Variants in PHC2 observed in about 807,000 individuals in gnomAD.
The protein encoded by PHC2 is polyhomeotic homolog 2, also known as polyhomeotic-like protein 2.
Under a neutral mutation model 87.4 loss-of-function variants are expected in PHC2, and 29 were observed. The ratio of observed to expected loss-of-function variants is 0.33; its 90% CI spans 0.25 to 0.45. The LOEUF is 0.45. PHC2 is among the 20% of genes least tolerant of loss of function. PHC2 has a pLI of 1.00. For missense variants in PHC2, 857 were observed against 1,136.7 expected (o/e 0.75, Z 3.54); for synonymous variants, 438 against 461.7 (o/e 0.95, Z 0.66).
At chr1:33,416,210 A>G (rs1260270325) in intron 1 of PHC2, among the ~76,000 whole-genome samples, 6 of 152,150 alleles carry the variant, frequency 3.9e-5, no homozygotes, top group Non-Finnish European at 8.8e-5. Flanking sequence ...TGCTGAAGTG[A>G]TGAAAAGAAA....
At chr1:33,404,812 A>G (rs1303665299) in intron 1 of PHC2, among the ~76,000 whole-genome samples, 1 of 152,246 alleles carries the variant, frequency 6.6e-6, no homozygotes, top group Non-Finnish European at 1.5e-5. Flanking sequence ...GAAGAATAAC[A>G]GGTTGCTCTC....
At chr1:33,406,505 T>C (rs1436159080) in intron 1 of PHC2, among the ~76,000 whole-genome samples, 2 of 152,196 alleles carry the variant, frequency 1.3e-5, no homozygotes, top group African/African-American at 4.8e-5. Flanking sequence ...CCAGACACTG[T>C]TAAATATCTT....
At chr1:33,398,497 G>C (rs1318522018) in intron 1 of PHC2, among the ~76,000 whole-genome samples, 1 of 152,200 alleles carries the variant, frequency 6.6e-6, no homozygotes, top group African/African-American at 2.4e-5. Context: ...TTGGGTGATA[G>C]TGTTACTGCT....
chr1:33,332,387 C>T lies in PHC2; in HGVS notation c.1779G>A (p.Leu593=), dbSNP rs555114860. 2.5e-6 allele frequency: 4 copies of T among 1,614,188 alleles called. No individual in the cohort carries two copies. The South Asian group carries it at 4.4e-5, about 18-fold the overall frequency. The change falls in exon 11 of 15, where the codon CTG becomes CTA. Residue 593 remains leucine, a synonymous_variant. Coordinates refer to ENST00000683057, the MANE Select transcript of PHC2 (RefSeq NM_001385109.1). This position sits in a 1 kb window ranked among gnomAD's most constrained non-coding sequence, Gnocchi z 4.2. ...AEPFPVGRSS[L]LVGNLKKKYA... is the part of the protein sequence containing the mutation. Reference sequence around the variant, plus strand: ...ACTTCTTCTTGAGATTCCCCACCAGCAGGGACGAGCGTCCCACCTAGAGGA... The same window carrying T: ...ACTTCTTCTTGAGATTCCCCACCAGTAGGGACGAGCGTCCCACCTAGAGGA...
intron 2 of PHC2, among the ~76,000 whole-genome samples, chr1:33,374,696 A>G (rs1048462489): frequency 1.8e-3 from 279 of 152,352 alleles, no homozygotes; most frequent in Middle Eastern, 3.4e-3. Flanking sequence ...CCTCAAAAAA[A>G]CATTGTAGTG....
chr1:33,329,589 C>T (rs1646444312), intron 13 of PHC2, among the ~76,000 whole-genome samples: 1 of 152,228 alleles, frequency 6.6e-6, no homozygotes, highest in Admixed American at 6.5e-5. Context: ...AGCCTAGTGC[C>T]TAACAGAGTT....
At chr1:33,328,726 G>T in intron 14 of PHC2, 144 bp downstream of exon 14, 1 of 672,964 alleles carries the variant, frequency 1.5e-6, no homozygotes, top group East Asian at 2.6e-5. Flanking sequence ...TTATAGGCAG[G>T]GAGCTCATCT....
intron 1 of PHC2, among the ~76,000 whole-genome samples, chr1:33,407,561 G>A (rs946342716): frequency 2.0e-5 from 3 of 152,074 alleles, no homozygotes; most frequent in East Asian, 1.9e-4. Flanking sequence ...TACTTTGAAG[G>A]TGGAGCACTT....
chr1:33,325,180 C>T (rs1646342874), intron 14 of PHC2, 161 bp from the exon 15 acceptor site: 2 of 709,888 alleles, frequency 2.8e-6, no homozygotes, highest in Admixed American at 6.1e-5. Context: ...TATTTTGCAG[C>T]TTGAGAGAGG....
chr1:33,423,414 A>C (rs1650508670), intron 1 of PHC2, among the ~76,000 whole-genome samples: 1 of 152,158 alleles, frequency 6.6e-6, no homozygotes, highest in Non-Finnish European at 1.5e-5. Context: ...CGTACAGCTA[A>C]AATAAGAAGG....
At chr1:33,400,042 A>G (rs1469713367) in intron 1 of PHC2, among the ~76,000 whole-genome samples, 1 of 152,040 alleles carries the variant, frequency 6.6e-6, no homozygotes, top group Non-Finnish European at 1.5e-5. Context: ...AAAAAAAAAA[A>G]GTGATAAACC....
chr1:33,353,643 C>T (rs1338660303), intron 9 of PHC2, among the ~76,000 whole-genome samples: 3 of 152,204 alleles, frequency 2.0e-5, no homozygotes, highest in Admixed American at 1.3e-4. Context: ...GTTCCCCGCC[C>T]CTACCCCCTC....
intron 1 of PHC2, among the ~76,000 whole-genome samples, chr1:33,416,127 T>G (rs2148398386): frequency 6.6e-6 from 1 of 152,210 alleles, no homozygotes; most frequent in Admixed American, 6.5e-5. Flanking sequence ...CTAAAAGTTT[T>G]CCAAATTTGA....
At chr1:33,409,479 G>A (rs754901142) in intron 1 of PHC2, among the ~76,000 whole-genome samples, 1 of 152,060 alleles carries the variant, frequency 6.6e-6, no homozygotes, top group East Asian at 1.9e-4. Flanking sequence ...GCATTACTTC[G>A]GGGTGCTAGG....
chr1:33,355,824 T>C (rs896233633), intron 7 of PHC2, among the ~76,000 whole-genome samples: 2 of 152,232 alleles, frequency 1.3e-5, no homozygotes, highest in African/African-American at 4.8e-5. Flanking sequence ...CCAAGGGACC[T>C]GGAAATAACT....
chr1:33,363,773 C>G, intron 7 of PHC2: 1 of 985,382 alleles, frequency 1.0e-6, no homozygotes, highest in Non-Finnish European at 1.2e-6. Context: ...TGGAGTTTAT[C>G]CACTAGAATG....
rs1186446651 is a variant in PHC2, at chr1:33,364,376, ACACAC to A, written c.976+2735_976+2739del. 2.1e-5 allele frequency among the ~76,000 whole-genome samples: 3 copies of A among 144,018 alleles called. No individual in the cohort carries two copies. Among genetic ancestry groups the A allele is most frequent in the Non-Finnish European group, 4.5e-5 (3 of 66,800 alleles). 94.5% of individuals were successfully genotyped at this position (144,018 alleles called of 152,430 possible). The stretch of plus-strand genomic sequence containing the variant: ...CTCTCCCAGACACACACACACACAC[ACACAC>A]ACTTGCTTTCACACACACACACACA... On this transcript the variant is annotated intron_variant, in intron 7 of 14. Transcript: ENST00000683057. The surrounding 1 kb of genome is among the most constrained non-coding windows in gnomAD (Gnocchi z 4.1).
chr1:33,394,491 G>A (rs182755925), intron 1 of PHC2, among the ~76,000 whole-genome samples: 106 of 152,258 alleles, frequency 7.0e-4, no homozygotes, highest in Non-Finnish European at 1.3e-3. Flanking sequence ...AAACACCAAT[G>A]CCTGGGCCCC....
chr1:33,421,820 T>C (rs1194978920), intron 1 of PHC2, among the ~76,000 whole-genome samples: 1 of 152,204 alleles, frequency 6.6e-6, no homozygotes, highest in Non-Finnish European at 1.5e-5. Flanking sequence ...TTAAAGGTTC[T>C]TCGCTAACTG....
Sources: allele counts gnomAD v4.1 joint callset (sites outside exome capture counted in the v4.1 genomes callset), GRCh38; gene constraint gnomAD v4.1.1; non-coding constraint Gnocchi (gnomAD v3.1); transcripts MANE v1.5; gene names NCBI Gene and HGNC (gene_info 2026-07-23, HGNC 2026-07-21).